Variants in SPOCK1 observed in about 807,000 individuals in gnomAD.
SPOCK1 encodes testican-1.
SPOCK1 carries 23 observed loss-of-function variants against 55.3 expected under a neutral mutation model. That is an observed-to-expected ratio of 0.42 (90% CI 0.30 to 0.59). SPOCK1 has a LOEUF of 0.59. Ranked by LOEUF, SPOCK1 falls within the 20% of genes least tolerant of loss-of-function variation. SPOCK1 has a pLI of 0.22. For synonymous variants in SPOCK1, 226 were observed against 221.0 expected (o/e 1.02, Z -0.20); for missense variants, 499 against 552.5 (o/e 0.90, Z 0.97).
chr5:137,129,039 C>A (rs1252650214), intron 4 of SPOCK1, among the ~76,000 whole-genome samples: 2 of 152,214 alleles, frequency 1.3e-5, no homozygotes, highest in Non-Finnish European at 2.9e-5. Flanking sequence ...CCCTAAACCA[C>A]ACAATTCTAT....
chr5:137,378,731 G>A (rs763966159), intron 2 of SPOCK1, among the ~76,000 whole-genome samples: 3 of 152,228 alleles, frequency 2.0e-5, no homozygotes, highest in African/African-American at 7.2e-5. Flanking sequence ...AGGGCTTGGC[G>A]CCTGAGGCAA....
chr5:137,481,127 C>T (rs1919519), intron 2 of SPOCK1, among the ~76,000 whole-genome samples: 69,608 of 151,878 alleles, frequency 0.46, 16,509 homozygotes, highest in African/African-American at 0.59. Flanking sequence ...TTCTCCCCCT[C>T]GCCCTCTTCC....
intron 3 of SPOCK1, among the ~76,000 whole-genome samples, chr5:137,202,775 C>T (rs1755449024): frequency 6.6e-6 from 1 of 152,184 alleles, no homozygotes; most frequent in Admixed American, 6.5e-5. Context: ...TCAAAAATAA[C>T]TTTGTAAAGG....
At chr5:137,423,435 G>A (rs1276261382) in intron 2 of SPOCK1, among the ~76,000 whole-genome samples, 2 of 152,202 alleles carry the variant, frequency 1.3e-5, no homozygotes, top group Admixed American at 1.3e-4. Flanking sequence ...GCTCCACCCA[G>A]TTCGAGCTTC....
chr5:137,129,390 G>C (rs1242000550), intron 4 of SPOCK1, among the ~76,000 whole-genome samples: 2 of 152,192 alleles, frequency 1.3e-5, no homozygotes, highest in African/African-American at 4.8e-5. Context: ...CACCAAGACT[G>C]TGATATTATA....
At chr5:137,140,770 TTTTG>T (rs1754080541) in intron 3 of SPOCK1, 76 bp from the exon 4 acceptor site, 1 of 1,055,020 alleles carries the variant, frequency 9.5e-7, no homozygotes, top group Non-Finnish European at 1.3e-6. Context: ...TTTTTTTTTT[TTTTG>T]TTGAGACGGA....
chr5:137,194,867 G>T (rs575518402), intron 3 of SPOCK1, among the ~76,000 whole-genome samples: 1 of 152,324 alleles, frequency 6.6e-6, no homozygotes, highest in African/African-American at 2.4e-5. Flanking sequence ...TCTGGTCAGA[G>T]CCTTCAGATA....
intron 2 of SPOCK1, among the ~76,000 whole-genome samples, chr5:137,380,981 G>A (rs952033113): frequency 1.3e-5 from 2 of 151,968 alleles, no homozygotes; most frequent in African/African-American, 4.8e-5. Context: ...CTCCCACTAA[G>A]AGCCTGTAAA....
At chr5:137,382,755 A>T (rs1365904241) in intron 2 of SPOCK1, among the ~76,000 whole-genome samples, 1 of 152,146 alleles carries the variant, frequency 6.6e-6, no homozygotes, top group Non-Finnish European at 1.5e-5. Context: ...CTCCTCTTCC[A>T]ATTTGACATG....
chr5:137,396,377 T>A (rs750617343), intron 2 of SPOCK1, among the ~76,000 whole-genome samples: 98 of 152,270 alleles, frequency 6.4e-4, no homozygotes, highest in Non-Finnish European at 1.0e-3. Flanking sequence ...TTAAGTAATT[T>A]ACATGAAGGT....
intron 2 of SPOCK1, among the ~76,000 whole-genome samples, chr5:137,467,694 T>C (rs903420071): frequency 6.6e-6 from 1 of 152,100 alleles, no homozygotes; most frequent in African/African-American, 2.4e-5. Flanking sequence ...GAGAAATAGT[T>C]AACCAGGTAA....
intron 6 of SPOCK1, among the ~76,000 whole-genome samples, chr5:137,033,837 C>A (rs1751829956): frequency 6.6e-6 from 1 of 152,126 alleles, no homozygotes; most frequent in South Asian, 2.1e-4. Context: ...CTCCTGGCTT[C>A]AAGTGATCCT....
chr5:137,407,160 G>A (rs945804929), intron 2 of SPOCK1, among the ~76,000 whole-genome samples: 5 of 152,186 alleles, frequency 3.3e-5, no homozygotes, highest in African/African-American at 1.2e-4. Flanking sequence ...TAATTTCATG[G>A]TCTGGAAAAA....
At position 137,499,229 on chromosome 5, in the gene SPOCK1, C is replaced by CA. The variant is rs28365921; in HGVS notation, c.-52dup. ...GTCCGAGTTGCTCGAGCTCCCGCGG[C>CA]ACGGTCGCCGGGAAGGCTGATCGCC... On this transcript the variant is annotated 5_prime_UTR_variant, in exon 1 of 11. Transcript: ENST00000394945. 58,422 of 151,820 alleles carry CA rather than the reference C, an allele frequency of 0.38. 11,299 individuals carry two copies. Among genetic ancestry groups the CA allele is most frequent in the East Asian group, 0.46 (2,325 of 5,050 alleles). 9.4% of individuals were successfully genotyped at this position (151,820 alleles called of 1,614,324 possible).
intron 2 of SPOCK1, among the ~76,000 whole-genome samples, chr5:137,279,024 T>C (rs1165384140): frequency 2.0e-5 from 3 of 147,456 alleles, no homozygotes; most frequent in East Asian, 4.0e-4. Context: ...AGAGACAGAG[T>C]GAGGCTAAGA....
chr5:137,451,844 T>C (rs891569667), intron 2 of SPOCK1, among the ~76,000 whole-genome samples: 1 of 152,212 alleles, frequency 6.6e-6, no homozygotes. Flanking sequence ...ACGTTTTAGC[T>C]CAGTAAGTAA....
intron 10 of SPOCK1, 21 bp downstream of exon 10, chr5:136,979,311 C>T (rs1750678432): frequency 6.2e-7 from 1 of 1,613,378 alleles, no homozygotes; most frequent in Non-Finnish European, 8.5e-7. Context: ...TTGTGGGGCT[C>T]ATGCAGGAGG....
At chr5:137,486,480 G>C (rs1377446015) in intron 2 of SPOCK1, among the ~76,000 whole-genome samples, 1 of 152,206 alleles carries the variant, frequency 6.6e-6, no homozygotes, top group African/African-American at 2.4e-5. Flanking sequence ...AAAGCCTGCA[G>C]CCTGACCAGG....
At chr5:137,151,766 A>G (rs943304471) in intron 3 of SPOCK1, among the ~76,000 whole-genome samples, 5 of 152,204 alleles carry the variant, frequency 3.3e-5, no homozygotes, top group African/African-American at 1.2e-4. Flanking sequence ...CAAAGTTCAA[A>G]GCTTGTTTGA....
Sources: gnomAD v4.1 joint callset for allele counts (sites outside exome capture counted in the v4.1 genomes callset) on GRCh38, gnomAD v4.1.1 for gene constraint, MANE v1.5 for transcripts, NCBI Gene and HGNC (gene_info 2026-07-23, HGNC 2026-07-21) for gene names.